The following PIP5K1B variants were observed in gnomAD, a reference collection of about 807,000 sequenced individuals.
PIP5K1B encodes the protein phosphatidylinositol 4-phosphate 5-kinase type-1 beta.
Under a neutral mutation model 67.0 loss-of-function variants are expected in PIP5K1B, and 42 were observed. The ratio of observed to expected loss-of-function variants is 0.63; its 90% CI spans 0.49 to 0.81. PIP5K1B has a LOEUF of 0.81. Ranked by LOEUF, PIP5K1B falls within the 30% of genes least tolerant of loss-of-function variation. The pLI is 0.00. For missense variants in PIP5K1B, 459 were observed against 646.3 expected (o/e 0.71, Z 3.14); for synonymous variants, 214 against 231.4 (o/e 0.92, Z 0.68).
chr9:68,893,333 C>CTTTTTTTTTT (rs397792694), intron 7 of PIP5K1B, among the ~76,000 whole-genome samples: 3 of 110,952 alleles, frequency 2.7e-5, no homozygotes, highest in Non-Finnish European at 5.1e-5. Flanking sequence ...TATTTTTTTT[C>CTTTTTTTTTT]TTTTTTTTTT....
intron 4 of PIP5K1B, among the ~76,000 whole-genome samples, chr9:68,836,987 T>A (rs1041736504): frequency 1.3e-5 from 2 of 152,254 alleles, no homozygotes; most frequent in Admixed American, 6.5e-5. Flanking sequence ...AGTCTACTCC[T>A]GGAATAGGAA....
At chr9:68,752,474 TC>T (rs1829681346) in intron 2 of PIP5K1B, among the ~76,000 whole-genome samples, 1 of 152,206 alleles carries the variant, frequency 6.6e-6, no homozygotes, top group African/African-American at 2.4e-5. Flanking sequence ...TGGTTTGGTT[TC>T]CTTTTTATTC....
intron 15 of PIP5K1B, among the ~76,000 whole-genome samples, chr9:68,997,696 A>T (rs1008480188): frequency 6.6e-6 from 1 of 152,228 alleles, no homozygotes; most frequent in African/African-American, 2.4e-5. Context: ...AGCTGAGAAA[A>T]TGGACCTCCC....
At chr9:68,971,060 G>T (rs556050943) in intron 14 of PIP5K1B, among the ~76,000 whole-genome samples, 1 of 152,180 alleles carries the variant, frequency 6.6e-6, no homozygotes, top group South Asian at 2.1e-4. Context: ...GTGCAGGTTT[G>T]TTACATAGGT....
intron 15 of PIP5K1B, among the ~76,000 whole-genome samples, chr9:69,003,419 T>A (rs1246406947): frequency 3.3e-5 from 5 of 150,660 alleles, no homozygotes; most frequent in Admixed American, 3.3e-4. Context: ...CAGAGAAAGC[T>A]CTTGCTTTAA....
chr9:68,970,941 CA>C (rs1475661012), intron 14 of PIP5K1B, among the ~76,000 whole-genome samples: 1 of 151,942 alleles, frequency 6.6e-6, no homozygotes, highest in Non-Finnish European at 1.5e-5. Flanking sequence ...TTGCTAGAGT[CA>C]AATTTTGCAA....
At chr9:68,823,989 T>C in intron 4 of PIP5K1B, 1 of 440,652 alleles carries the variant, frequency 2.3e-6, no homozygotes, top group East Asian at 6.0e-5. Flanking sequence ...GATGGTGTGG[T>C]TGGAAAAGAG....
At chr9:68,712,074 G>C (rs73646759) in intron 1 of PIP5K1B, among the ~76,000 whole-genome samples, 1,871 of 152,344 alleles carry the variant, frequency 0.012, 47 homozygotes, top group African/African-American at 0.043. Context: ...GGTGGGGCCT[G>C]ATGGGAAGAA....
rs71353094 is a variant in PIP5K1B at position 68,925,795 on chromosome 9, A to ATTTTTTT, written c.1201+2423_1201+2429dup. Among the ~76,000 whole-genome samples the ATTTTTTT allele has an allele frequency of 6.8e-3, 498 of 73,246 alleles. 92 individuals carry two copies. The highest frequency in any genetic ancestry group is 0.025 in the African/African-American group (446 of 17,524). The allele number at this position is 73,246 out of a possible 152,430, so 48.1% of individuals were successfully genotyped here. On this transcript the variant is annotated intron_variant, in intron 12 of 15. Transcript: ENST00000265382. ...ACATGAATACCAGCTTGTGGTTCCA[A>ATTTTTTT]TTTTTTTTTTTTTTTTTTTTGAGAC...
intron 8 of PIP5K1B, among the ~76,000 whole-genome samples, chr9:68,910,068 G>A (rs1011353182): frequency 4.6e-5 from 7 of 152,158 alleles, no homozygotes; most frequent in Admixed American, 6.5e-5. Context: ...AGCACCAAGC[G>A]TTCTTGGATG....
chr9:68,893,931 G>T (rs1824949081), intron 7 of PIP5K1B, among the ~76,000 whole-genome samples: 1 of 152,230 alleles, frequency 6.6e-6, no homozygotes, highest in Non-Finnish European at 1.5e-5. Flanking sequence ...CTTACATAGT[G>T]TGGTTGTAAA....
chr9:68,873,682 A>G (rs1441278954), intron 5 of PIP5K1B, among the ~76,000 whole-genome samples: 1 of 151,938 alleles, frequency 6.6e-6, no homozygotes, highest in Non-Finnish European at 1.5e-5. Context: ...TTTCCTATAT[A>G]GTCTCAATCA....
intron 4 of PIP5K1B, among the ~76,000 whole-genome samples, chr9:68,844,893 G>A (rs1007073994): frequency 3.3e-5 from 5 of 152,036 alleles, no homozygotes; most frequent in South Asian, 4.1e-4. Context: ...TCCAAAGAAG[G>A]CAAAATACAA....
At chr9:68,944,734 G>A (rs1342751428) in intron 14 of PIP5K1B, among the ~76,000 whole-genome samples, 1 of 152,222 alleles carries the variant, frequency 6.6e-6, no homozygotes. Flanking sequence ...CCATTACAGT[G>A]TCATAAACCT....
chr9:68,972,878 T>A (rs1038316019), intron 14 of PIP5K1B, among the ~76,000 whole-genome samples: 2 of 152,186 alleles, frequency 1.3e-5, no homozygotes, highest in Non-Finnish European at 2.9e-5. Flanking sequence ...TTCTCCCAAA[T>A]GCTCCAGGGA....
At chr9:68,710,102 A>T (rs1199618441) in intron 1 of PIP5K1B, among the ~76,000 whole-genome samples, 2 of 151,842 alleles carry the variant, frequency 1.3e-5, no homozygotes, top group Non-Finnish European at 2.9e-5. Flanking sequence ...TATCCTGGAA[A>T]TTTTTTTTTC....
Position 68,781,080 on chromosome 9 carries a change from T to A in PIP5K1B, c.-85-37381T>A, listed in dbSNP as rs771245548. On this transcript the variant is annotated intron_variant, in intron 2 of 15. Transcript: ENST00000265382. ...GCAGTGGAGAGAGAGAATAATCTAG[T>A]TGGGGCAAACACTGAACTTTGTCAA... 9 of 1,557,516 alleles carry A rather than the reference T, an allele frequency of 5.8e-6. No homozygotes were observed. In the East Asian group the frequency reaches 2.0e-4, roughly 35 times the overall value.
intron 15 of PIP5K1B, among the ~76,000 whole-genome samples, chr9:68,997,026 T>C (rs1289528752): frequency 6.6e-6 from 1 of 152,060 alleles, no homozygotes; most frequent in Non-Finnish European, 1.5e-5. Context: ...AGTTAAGCTG[T>C]TTTTTAGCCA....
intron 1 of PIP5K1B, among the ~76,000 whole-genome samples, chr9:68,728,329 G>A (rs138768517): frequency 3.3e-4 from 51 of 152,262 alleles, no homozygotes; most frequent in African/African-American, 1.2e-3. Flanking sequence ...TCTTCTCGTT[G>A]CATCCTCACA....
Sources: allele counts gnomAD v4.1 joint callset (sites outside exome capture counted in the v4.1 genomes callset), GRCh38; gene constraint gnomAD v4.1.1; transcripts MANE v1.5; gene names NCBI Gene and HGNC (gene_info 2026-07-23, HGNC 2026-07-21).